ZNF264: variants seen among roughly 807,000 people sequenced by gnomAD.
The protein encoded by ZNF264 is zinc finger protein 264.
ZNF264 carries 11 observed loss-of-function variants against 11.2 expected under a neutral mutation model. The ratio of observed to expected loss-of-function variants is 0.98; its 90% CI spans 0.62 to 1.63. The LOEUF (loss-of-function observed/expected upper bound fraction) is 1.63, where lower values mean the gene tolerates loss of function less well. Among genes scored for constraint, ZNF264 ranks in the 40% most tolerant of loss-of-function variants. The pLI is 0.00. For missense variants in ZNF264, 752 were observed against 768.1 expected, an observed-to-expected ratio of 0.98 and a Z score of 0.25; for synonymous variants, 309 against 279.8, an observed-to-expected ratio of 1.10 and a Z score of -1.04.
In ZNF264 at chr19:57,217,549, G is replaced by GT. The variant is rs995625772; in HGVS notation, c.*4568_*4569insT. 12 of 151,640 alleles carry GT rather than the reference G, an allele frequency of 7.9e-5. No individual in the cohort carries two copies. The highest frequency in any genetic ancestry group is 3.3e-4 in the Admixed American group (5 of 15,206). 9.4% of individuals were successfully genotyped at this position (151,640 alleles called of 1,614,324 possible). Reference sequence around the variant, plus strand: ...TAACTGCCTCAGCTTCCCTAGTAATGGATTACAGGCGCCCGCCACCACGCC... The same window carrying GT: ...TAACTGCCTCAGCTTCCCTAGTAATGTGATTACAGGCGCCCGCCACCACGCC... On this transcript the variant is annotated 3_prime_UTR_variant, in exon 4 of 4. Coordinates refer to ENST00000263095, the MANE Select transcript of ZNF264 (RefSeq NM_003417.5).
chr19:57,204,987 C>T (rs570365338), intron 2 of ZNF264, among the ~76,000 whole-genome samples: 44 of 152,142 alleles, frequency 2.9e-4, no homozygotes, highest in Admixed American at 1.5e-3. Context: ...GTGTTGATCA[C>T]GATGTGGACT....
At chr19:57,194,308 C>T (rs1039340171) in intron 2 of ZNF264, 58 of 442,132 alleles carry the variant, frequency 1.3e-4, no homozygotes, top group African/African-American at 7.1e-4. Context: ...AGAACCACCA[C>T]GATGGTGTCC....
rs1455011689 is a variant in ZNF264, at chr19:57,221,441, T to C, written c.*8460T>C. 1 of 152,186 alleles carries C rather than the reference T, an allele frequency of 6.6e-6. No homozygotes were observed. Among genetic ancestry groups the C allele is most frequent in the East Asian group, 1.9e-4 (1 of 5,186 alleles). 9.4% of individuals were successfully genotyped at this position (152,186 alleles called of 1,614,324 possible). ...TCAAGAACACCCCCAGGTTTGACGA[T>C]TTGCTGAGAAGACTCAGGTCTCAGC... On this transcript the variant is annotated 3_prime_UTR_variant, in exon 4 of 4. Coordinates refer to ENST00000263095, the MANE Select transcript of ZNF264 (RefSeq NM_003417.5).
chr19:57,199,026 T>C (rs1475141294), intron 2 of ZNF264, among the ~76,000 whole-genome samples: 2 of 151,954 alleles, frequency 1.3e-5, no homozygotes, highest in Non-Finnish European at 2.9e-5. Flanking sequence ...TGCAGTAGGC[T>C]TCCTATCAGT....
intron 1 of ZNF264, chr19:57,192,577 T>G (rs2122729789): frequency 2.0e-6 from 2 of 985,226 alleles, no homozygotes; most frequent in South Asian, 9.4e-5. Flanking sequence ...GTTGGTTCAT[T>G]GTGGAATTTC....
In ZNF264 at chr19:57,204,489, G is replaced by A. The variant is rs141317541; in HGVS notation, c.161-908G>A. Among the ~76,000 whole-genome samples the A allele has an allele frequency of 2.8e-4, 42 of 152,294 alleles. No individual in the cohort carries two copies. In the East Asian group the frequency reaches 8.1e-3, roughly 29 times the overall value. Reference sequence around the variant, plus strand: ...ATAGCACATAAGTCTCATGAGATCCGATGGTTTTATAAAGGGGGGTTCCCC... The same window carrying A: ...ATAGCACATAAGTCTCATGAGATCCAATGGTTTTATAAAGGGGGGTTCCCC... On this transcript the variant is annotated intron_variant, in intron 2 of 3. Transcript: ENST00000263095.
chr19:57,192,038 G>T, intron 1 of ZNF264, 92 bp downstream of exon 1: 1 of 1,209,104 alleles, frequency 8.3e-7, no homozygotes. Context: ...CCCTGGATTT[G>T]TCTTCGCAGT....
intron 2 of ZNF264, among the ~76,000 whole-genome samples, chr19:57,196,267 G>T (rs74506594): frequency 6.6e-6 from 1 of 151,940 alleles, no homozygotes; most frequent in Admixed American, 6.6e-5. Context: ...ATACCATTAC[G>T]ATGGATAAAG....
At position 57,213,698 on chromosome 19, in the gene ZNF264, T is replaced by C. The variant is rs1194731586; in HGVS notation, c.*717T>C. 1 of 152,238 alleles carries C rather than the reference T, an allele frequency of 6.6e-6. No homozygotes were observed. Among genetic ancestry groups the C allele is most frequent in the Non-Finnish European group, 1.5e-5 (1 of 68,036 alleles). The allele number at this position is 152,238 out of a possible 1,614,324, so 9.4% of individuals were successfully genotyped here. ...GACAGCATTTCTAGTTCCTTTGACA[T>C]TCCATATAATTTTTAGGATTAGTTT... is the stretch of plus-strand genomic sequence containing the variant. On this transcript the variant is annotated 3_prime_UTR_variant, in exon 4 of 4. Coordinates refer to ENST00000263095, the MANE Select transcript of ZNF264 (RefSeq NM_003417.5).
chr19:57,205,765 G>T (rs1400601628), intron 3 of ZNF264, among the ~76,000 whole-genome samples: 1 of 152,230 alleles, frequency 6.6e-6, no homozygotes, highest in East Asian at 1.9e-4. Flanking sequence ...AACTGTGTGG[G>T]CCTGAAATGT....
At chr19:57,203,197 A>G (rs1167433438) in intron 2 of ZNF264, among the ~76,000 whole-genome samples, 1 of 152,192 alleles carries the variant, frequency 6.6e-6, no homozygotes, top group East Asian at 1.9e-4. Flanking sequence ...GGTTTGGGGC[A>G]TAGGGACTAT....
Position 57,191,926 on chromosome 19 carries a change from G to A in ZNF264, c.13G>A (p.Val5Met), listed in dbSNP as rs571690758. The change falls in exon 1 of 4, where the codon GTG becomes ATG. Residue 5 changes from valine to methionine, a missense_variant. Coordinates refer to ENST00000263095, the MANE Select transcript of ZNF264 (RefSeq NM_003417.5). MAAA[V>M]LTDRAQVSVT... ...AGGGGGTGACGTGATGGCGGCAGCG[G>A]TGCTGACGGACCGGGCCCAGGTGAG... is the stretch of plus-strand genomic sequence containing the variant. 1.3e-6 allele frequency: 2 copies of A among 1,532,940 alleles called. No homozygotes were observed. The highest frequency in any genetic ancestry group is 1.8e-6 in the Non-Finnish European group (2 of 1,138,726). The allele number at this position is 1,532,940 out of a possible 1,614,324, so 95.0% of individuals were successfully genotyped here.
rs534426620 is a variant in ZNF264 at position 57,214,204 on chromosome 19, A to C, written c.*1223A>C. On this transcript the variant is annotated 3_prime_UTR_variant, in exon 4 of 4. Coordinates refer to ENST00000263095, the MANE Select transcript of ZNF264 (RefSeq NM_003417.5). ...ATTTTTTATCTTTCATCTTACCTGTAATATACCTTTTATTTCCTTTTTGTT... is the reference window on the plus strand; with the variant it reads ...ATTTTTTATCTTTCATCTTACCTGTCATATACCTTTTATTTCCTTTTTGTT... 1.3e-5 allele frequency: 2 copies of C among 152,166 alleles called. No homozygotes were observed. The highest frequency in any genetic ancestry group is 4.8e-5 in the African/African-American group (2 of 41,440). 9.4% of individuals were successfully genotyped at this position (152,166 alleles called of 1,614,324 possible).
At chr19:57,200,941 A>G (rs937744944) in intron 2 of ZNF264, among the ~76,000 whole-genome samples, 2 of 151,886 alleles carry the variant, frequency 1.3e-5, no homozygotes, top group East Asian at 3.8e-4. Context: ...TTTTTTTTAT[A>G]CATTTGTTAT....
At chr19:57,198,542 G>T (rs2087229072) in intron 2 of ZNF264, among the ~76,000 whole-genome samples, 2 of 151,860 alleles carry the variant, frequency 1.3e-5, no homozygotes, top group South Asian at 4.1e-4. Context: ...AAGTATGTCT[G>T]TGCCTATTAC....
intron 3 of ZNF264, 21 bp from the exon 4 acceptor site, chr19:57,211,333 T>A: frequency 6.4e-7 from 1 of 1,573,382 alleles, no homozygotes; most frequent in East Asian, 2.3e-5. Flanking sequence ...CAGGCCCTTT[T>A]GTGTGCTGGA....
chr19:57,211,074 G>A (rs75069622), intron 3 of ZNF264, among the ~76,000 whole-genome samples: 12,831 of 152,088 alleles, frequency 0.084, 654 homozygotes, highest in East Asian at 0.15. Context: ...CGGTGTCGTC[G>A]TTACTCTGTC....
intron 3 of ZNF264, among the ~76,000 whole-genome samples, chr19:57,209,293 A>AT (rs1265594487): frequency 2.0e-5 from 3 of 151,970 alleles, no homozygotes; most frequent in Non-Finnish European, 4.4e-5. Flanking sequence ...GGCATTTGAC[A>AT]TTTTTTCAGT....
intron 2 of ZNF264, among the ~76,000 whole-genome samples, chr19:57,204,236 CTGTG>C (rs1192665609): frequency 2.1e-5 from 3 of 144,074 alleles, no homozygotes; most frequent in Admixed American, 6.9e-5. Flanking sequence ...AAAAAAAAAA[CTGTG>C]TGGCCTTGGT....
Sources: gnomAD v4.1 joint callset for allele counts (sites outside exome capture counted in the v4.1 genomes callset) on GRCh38, gnomAD v4.1.1 for gene constraint, MANE v1.5 for transcripts, NCBI Gene and HGNC (gene_info 2026-07-23, HGNC 2026-07-21) for gene names.